SPEN: variants seen among roughly 807,000 people sequenced by gnomAD.
SPEN encodes msx2-interacting protein.
SPEN carries 18 observed loss-of-function variants against 269.9 expected under a neutral mutation model. That is an observed-to-expected ratio of 0.07 (90% confidence interval 0.05 to 0.10). SPEN has a LOEUF of 0.10. Among genes scored for constraint, SPEN ranks in the 10% least tolerant of loss-of-function variants. SPEN has a pLI of 1.00. For missense variants in SPEN, 3,822 were observed against 4,631.2 expected (o/e 0.83, Z 5.07); for synonymous variants, 1,726 against 1,765.7 (o/e 0.98, Z 0.56).
intron 3 of SPEN, among the ~76,000 whole-genome samples, chr1:15,888,345 C>T (rs372835608): frequency 1.3e-5 from 2 of 150,730 alleles, no homozygotes; most frequent in East Asian, 2.0e-4. Flanking sequence ...TTTTTTGAGG[C>T]AAGAGTCTTG....
In SPEN at chr1:15,869,352, G is replaced by A. The variant is rs118012386; in HGVS notation, c.84-3464G>A. On this transcript the variant is annotated intron_variant, in intron 1 of 14. Transcript: ENST00000375759. ...ATTACAGGTGTGAGCCACCGTGCCC[G>A]GCCCTTTTGGTCTAAATATAAACTC... Among the ~76,000 whole-genome samples the A allele has an allele frequency of 8.6e-4, 131 of 151,826 alleles. No individual in the cohort carries two copies. The East Asian group carries it at 0.022, about 26-fold the overall frequency.
chr1:15,857,543 G>A (rs1333186614), intron 1 of SPEN, among the ~76,000 whole-genome samples: 1 of 151,744 alleles, frequency 6.6e-6, no homozygotes, highest in East Asian at 1.9e-4. Flanking sequence ...TTTTAGTAGA[G>A]ACAAGGTTTC....
In SPEN at chr1:15,932,878, C is replaced by T. The variant is rs2071236095; in HGVS notation, c.6638C>T (p.Thr2213Ile). Residue 2213 changes from threonine (T) to isoleucine (I), a missense_variant, in exon 11 of 15, where the codon ACA becomes ATA. By Grantham distance (89) the Thr-to-Ile change is moderately conservative. This residue lies in a region of SPEN where 727 missense variants were observed against 737.9 expected (regional missense o/e 0.99). Transcript: ENST00000375759. The surrounding 1 kb of genome is among the most constrained non-coding windows in gnomAD (Gnocchi z 4.2). Reference protein sequence around the residue: ...RDKPAHQASETELAAAIGSII... With the variant: ...RDKPAHQASEIELAAAIGSII... ...AAGCCTGCACACCAAGCAAGTGAAA[C>T]AGAGCTGGCTGCGGCCATCGGCTCC... The T allele has an allele frequency of 6.2e-7, 1 of 1,614,244 alleles. No homozygotes were observed. Among genetic ancestry groups the T allele is most frequent in the East Asian group, 2.2e-5 (1 of 44,882 alleles).
At chr1:15,892,082 G>C (rs944531786) in intron 3 of SPEN, among the ~76,000 whole-genome samples, 1 of 131,664 alleles carries the variant, frequency 7.6e-6, no homozygotes, top group African/African-American at 2.8e-5. Flanking sequence ...GTGCAGTGGC[G>C]TAATCTTGGC....
rs1046168918 is a variant in SPEN, at chr1:15,902,505, G to A, written c.882-6816G>A. On this transcript the variant is annotated intron_variant, in intron 3 of 14. Coordinates refer to ENST00000375759, the MANE Select transcript of SPEN (RefSeq NM_015001.3). ...TGGAAGTATTATTACTTGCTGTGGT[G>A]ATGCATTCTGTTTAAGAGATTATGG... Among the ~76,000 whole-genome samples, 4 of 152,060 alleles carry A rather than the reference G, an allele frequency of 2.6e-5. No individual in the cohort carries two copies. In the South Asian group the frequency reaches 8.3e-4, roughly 32 times the overall value.
In SPEN at chr1:15,934,932, G is replaced by A. The variant is rs773016183; in HGVS notation, c.8692G>A (p.Val2898Met). The change falls in exon 11 of 15, where the codon GTG becomes ATG. Residue 2898 changes from valine to methionine, a missense_variant. By Grantham distance (21) the Val-to-Met change is conservative (BLOSUM62 1). Around this residue, in one of 16 missense-constraint regions of SPEN, gnomAD observed 329 missense variants for 431.2 expected, o/e 0.76. Coordinates refer to ENST00000375759, the MANE Select transcript of SPEN (RefSeq NM_015001.3). The surrounding 1 kb of genome is among the most constrained non-coding windows in gnomAD (Gnocchi z 9.2). The part of the protein sequence containing the change: ...LTAQTYNASP[V>M]ISSVKADRPS... ...CGCCCAGACATATAATGCCTCTCCT[G>A]TGATTTCGTCTGTGAAGGCCGATAG... The A allele has an allele frequency of 2.5e-6, 4 of 1,613,916 alleles. No individual in the cohort carries two copies. The Admixed American group carries it at 5.0e-5, about 20-fold the overall frequency.
chr1:15,873,426 T>G, intron 2 of SPEN: 1 of 1,112,924 alleles, frequency 9.0e-7, no homozygotes, highest in East Asian at 4.9e-5. Flanking sequence ...ACTTATTCCT[T>G]CTCTTGGATA....
intron 3 of SPEN, among the ~76,000 whole-genome samples, chr1:15,893,691 C>CAG (rs2070811005): frequency 6.6e-6 from 1 of 151,576 alleles, no homozygotes; most frequent in South Asian, 2.1e-4. Flanking sequence ...GAAAAAAGGC[C>CAG]AGTACACTCA....
chr1:15,879,004 C>CAAAAAAAAAAAAAAAAAAA (rs3048559), intron 3 of SPEN, among the ~76,000 whole-genome samples: 1 of 76,560 alleles, frequency 1.3e-5, no homozygotes, highest in African/African-American at 5.5e-5. Context: ...GACTCTGTCT[C>CAAAAAAAAAAAAAAAAAAA]AAAAAAAAAA....
At chr1:15,936,957 A>C (rs848212) in intron 11 of SPEN, among the ~76,000 whole-genome samples, 1 of 151,800 alleles carries the variant, frequency 6.6e-6, no homozygotes, top group African/African-American at 2.4e-5. Context: ...GCTGGGTAGC[A>C]TCAGCAGGAG....
rs144459164 is a variant in SPEN, at chr1:15,907,713, GAT to G, written c.882-1606_882-1605del. Among the ~76,000 whole-genome samples, 3 of 152,216 alleles carry G rather than the reference GAT, an allele frequency of 2.0e-5. No homozygotes were observed. In the East Asian group the frequency reaches 5.8e-4, roughly 29 times the overall value. On this transcript the variant is annotated intron_variant, in intron 3 of 14. Transcript: ENST00000375759. Reference sequence around the variant, plus strand: ...AGAATATGAAGCAAAATTTCAGAAAGATAGCAAAATCTGTAAATAACTTTTTA... The same window carrying G: ...AGAATATGAAGCAAAATTTCAGAAAGAGCAAAATCTGTAAATAACTTTTTA...
rs2071305802 is a variant in SPEN, at chr1:15,938,739, C to T, written c.10726C>T (p.Leu3576=). 1 of 1,613,808 alleles carries T rather than the reference C, an allele frequency of 6.2e-7. No individual in the cohort carries two copies. The highest frequency in any genetic ancestry group is 8.5e-7 in the Non-Finnish European group (1 of 1,179,986). The change falls in exon 14 of 15, where the codon CTG becomes TTG. Residue 3576 remains leucine, a synonymous_variant. Transcript: ENST00000375759. The part of the protein sequence containing the change: ...RMTVETDYCL[L]LALPCGRDQE... ...TCAGGTGGAGACAGATTACTGTCTG[C>T]TGCTGGCTCTGCCCTGTGGCCGTGA...
chr1:15,888,474 T>C (rs1285652690), intron 3 of SPEN, among the ~76,000 whole-genome samples: 2 of 151,420 alleles, frequency 1.3e-5, no homozygotes, highest in Non-Finnish European at 3.0e-5. Context: ...CAGGCACACG[T>C]CACCACGCCT....
chr1:15,919,240 G>A (rs776747590), intron 7 of SPEN, among the ~76,000 whole-genome samples, 164 bp from the exon 8 acceptor site: 2 of 152,020 alleles, frequency 1.3e-5, no homozygotes, highest in Non-Finnish European at 2.9e-5. Flanking sequence ...GATTAGCCAG[G>A]CAGGATTTTT....
In SPEN at chr1:15,930,716, C is replaced by T. The variant is rs2148739512; in HGVS notation, c.4476C>T (p.Ser1492=). The part of the protein sequence containing the change: ...KVDSAPRPIP[S]WYMKKKKIRT... ...ACTCTGCTCCAAGACCTATTCCATCCTGGTACATGAAAAAGAAGAAAATTA... is the reference window on the plus strand; with the variant it reads ...ACTCTGCTCCAAGACCTATTCCATCTTGGTACATGAAAAAGAAGAAAATTA... The change falls in exon 11 of 15, where the codon TCC becomes TCT. Residue 1492 remains serine, a synonymous_variant. Coordinates refer to ENST00000375759, the MANE Select transcript of SPEN (RefSeq NM_015001.3). The surrounding 1 kb of genome is among the most constrained non-coding windows in gnomAD (Gnocchi z 5.3). 1.1e-5 allele frequency: 18 copies of T among 1,613,652 alleles called. No homozygotes were observed. Among genetic ancestry groups the T allele is most frequent in the Non-Finnish European group, 1.4e-5 (17 of 1,179,878 alleles).
intron 3 of SPEN, among the ~76,000 whole-genome samples, chr1:15,897,941 G>A (rs906753418): frequency 5.9e-5 from 9 of 152,088 alleles, no homozygotes; most frequent in African/African-American, 1.7e-4. Flanking sequence ...TGCTTTCCCC[G>A]TTTCTTTTGT....
intron 3 of SPEN, among the ~76,000 whole-genome samples, chr1:15,898,558 CTTTTTTTTTT>C (rs375319827): frequency 1.5e-5 from 2 of 131,976 alleles, no homozygotes; most frequent in South Asian, 2.4e-4. Flanking sequence ...TTCTTTTTTT[CTTTTTTTTTT>C]TTTTTGTTTG....
chr1:15,863,510 C>T (rs747567382), intron 1 of SPEN, among the ~76,000 whole-genome samples: 4 of 152,066 alleles, frequency 2.6e-5, no homozygotes, highest in Admixed American at 6.6e-5. Context: ...TTTCTTAAAG[C>T]CTTTCTACTT....
At chr1:15,916,974 A>G (rs2071072617) in intron 6 of SPEN, among the ~76,000 whole-genome samples, 1 of 152,140 alleles carries the variant, frequency 6.6e-6, no homozygotes, top group Non-Finnish European at 1.5e-5. Context: ...TAAAAATACA[A>G]AAATTAGCTG....
Sources: allele counts gnomAD v4.1 joint callset (sites outside exome capture counted in the v4.1 genomes callset), GRCh38; gene constraint gnomAD v4.1.1; regional missense constraint gnomAD v4.1.1; non-coding constraint Gnocchi (gnomAD v3.1); transcripts MANE v1.5; gene names NCBI Gene and HGNC (gene_info 2026-07-23, HGNC 2026-07-21).